BBX: variants seen among roughly 807,000 people sequenced by gnomAD.
The protein encoded by BBX is BBX high mobility group box domain containing, also known as HMG box transcription factor BBX.
BBX carries 30 observed loss-of-function variants against 100.2 expected under a neutral mutation model. The observed-to-expected ratio is 0.30, with a 90% CI of 0.22 to 0.41. BBX has a LOEUF of 0.41. Among genes scored for constraint, BBX ranks in the 10% least tolerant of loss-of-function variants. BBX has a pLI of 1.00. For missense variants in BBX, 1,023 were observed against 1,129.8 expected (o/e 0.91, Z 1.35); for synonymous variants, 376 against 388.1 (o/e 0.97, Z 0.37).
chr3:107,527,740 C>T lies in BBX; in HGVS notation c.-84+1342C>T, dbSNP rs571072952. 8.5e-5 allele frequency among the ~76,000 whole-genome samples: 13 copies of T among 152,202 alleles called. No homozygotes were observed. In the East Asian group the frequency reaches 1.9e-3, roughly 23 times the overall value. On this transcript the variant is annotated intron_variant, in intron 2 of 17. Transcript: ENST00000325805. ...TACATCACATACATAGCAGGCCAAT[C>T]GGAGTGTCAAAATGAGAAGGTTCTA...
intron 4 of BBX, among the ~76,000 whole-genome samples, chr3:107,714,557 G>GT (rs1306847933): frequency 6.6e-6 from 1 of 151,658 alleles, no homozygotes; most frequent in Non-Finnish European, 1.5e-5. Flanking sequence ...ACACTTTTTA[G>GT]TTTTTTTTAG....
chr3:107,756,174 G>A (rs1169865412), intron 10 of BBX, among the ~76,000 whole-genome samples: 2 of 152,044 alleles, frequency 1.3e-5, no homozygotes, highest in Admixed American at 1.3e-4. Flanking sequence ...TCTTCCATTG[G>A]CAAAGTAGAA....
chr3:107,712,834 A>G (rs1440912553), intron 4 of BBX, among the ~76,000 whole-genome samples: 2 of 152,188 alleles, frequency 1.3e-5, no homozygotes, highest in African/African-American at 4.8e-5. Flanking sequence ...CACAGCACCT[A>G]GAAGAGTGGC....
chr3:107,612,992 C>G (rs1165859215), intron 2 of BBX, among the ~76,000 whole-genome samples: 1 of 152,088 alleles, frequency 6.6e-6, no homozygotes, highest in Non-Finnish European at 1.5e-5. Context: ...CCTCCCCTTT[C>G]CCCAGGCAGA....
At chr3:107,647,451 G>A (rs1174146047) in intron 3 of BBX, among the ~76,000 whole-genome samples, 1 of 152,174 alleles carries the variant, frequency 6.6e-6, no homozygotes, top group Non-Finnish European at 1.5e-5. Context: ...GCAATAGAGT[G>A]TTTTATTGAC....
intron 2 of BBX, among the ~76,000 whole-genome samples, chr3:107,637,988 C>T (rs1436654948): frequency 1.3e-5 from 2 of 152,038 alleles, no homozygotes; most frequent in Non-Finnish European, 2.9e-5. Flanking sequence ...ATCATGGCTC[C>T]CGGCAGCCTT....
intron 2 of BBX, among the ~76,000 whole-genome samples, chr3:107,620,676 C>A (rs1461126124): frequency 6.6e-6 from 1 of 152,158 alleles, no homozygotes; most frequent in African/African-American, 2.4e-5. Context: ...CTACCTTTCA[C>A]CAGTAGGCTT....
At chr3:107,771,778 T>C (rs2066927795) in intron 10 of BBX, among the ~76,000 whole-genome samples, 1 of 152,190 alleles carries the variant, frequency 6.6e-6, no homozygotes, top group Non-Finnish European at 1.5e-5. Context: ...TGTTCATTAA[T>C]CAAAACCTTC....
chr3:107,754,612 G>C (rs1444671405), intron 9 of BBX, among the ~76,000 whole-genome samples: 7 of 152,132 alleles, frequency 4.6e-5, no homozygotes, highest in Admixed American at 1.3e-4. Context: ...AGTCCCTCCT[G>C]GAGCTAACAA....
At chr3:107,679,007 G>A (rs1576303685) in intron 3 of BBX, among the ~76,000 whole-genome samples, 2 of 152,166 alleles carry the variant, frequency 1.3e-5, no homozygotes, top group South Asian at 4.1e-4. Flanking sequence ...ATAGATGCGG[G>A]TTTACAAATT....
intron 2 of BBX, among the ~76,000 whole-genome samples, chr3:107,616,466 G>T (rs1474127531): frequency 6.6e-6 from 1 of 152,078 alleles, no homozygotes; most frequent in Non-Finnish European, 1.5e-5. Flanking sequence ...CTTCCAAATG[G>T]TTTTCCAGAA....
At chr3:107,776,627 A>G (rs962193939) in intron 12 of BBX, among the ~76,000 whole-genome samples, 2 of 152,150 alleles carry the variant, frequency 1.3e-5, no homozygotes, top group African/African-American at 4.8e-5. Flanking sequence ...ATCTCAGAAA[A>G]TGTGCTACCT....
intron 16 of BBX, 31 bp downstream of exon 16, chr3:107,798,751 T>C: frequency 6.2e-7 from 1 of 1,601,132 alleles, no homozygotes; most frequent in Non-Finnish European, 8.5e-7. Flanking sequence ...ACCAGAGGTG[T>C]CCAATCTTTT....
intron 5 of BBX, among the ~76,000 whole-genome samples, chr3:107,718,407 A>G (rs1303260538): frequency 6.6e-6 from 1 of 151,154 alleles, no homozygotes; most frequent in Non-Finnish European, 1.5e-5. Context: ...AATCAATTAC[A>G]GTAACCTACA....
chr3:107,778,588 G>A, intron 13 of BBX, 69 bp downstream of exon 13: 1 of 1,525,908 alleles, frequency 6.6e-7, no homozygotes, highest in Non-Finnish European at 8.9e-7. Context: ...CAAGCTTTTA[G>A]CTCCCTTTAG....
chr3:107,747,478 A>G (rs1464627979), intron 8 of BBX, among the ~76,000 whole-genome samples: 1 of 152,088 alleles, frequency 6.6e-6, no homozygotes, highest in Non-Finnish European at 1.5e-5. Flanking sequence ...GTTGTGGGTA[A>G]GTAGCAGAGC....
intron 2 of BBX, among the ~76,000 whole-genome samples, chr3:107,637,418 G>T (rs536021739): frequency 6.6e-6 from 1 of 152,306 alleles, no homozygotes; most frequent in South Asian, 2.1e-4. Context: ...TTGTAATCTG[G>T]TCTGGAGCTT....
At chr3:107,671,844 A>C (rs2107924206) in intron 3 of BBX, among the ~76,000 whole-genome samples, 1 of 152,202 alleles carries the variant, frequency 6.6e-6, no homozygotes, top group African/African-American at 2.4e-5. Context: ...AAGAATAATG[A>C]CCACACGAAT....
At chr3:107,603,596 T>C (rs1462567619) in intron 2 of BBX, among the ~76,000 whole-genome samples, 1 of 151,928 alleles carries the variant, frequency 6.6e-6, no homozygotes, top group Non-Finnish European at 1.5e-5. Context: ...ACCAGGATGG[T>C]CTCGATCTCC....
Sources: allele counts gnomAD v4.1 joint callset (sites outside exome capture counted in the v4.1 genomes callset), GRCh38; gene constraint gnomAD v4.1.1; transcripts MANE v1.5; gene names NCBI Gene and HGNC (gene_info 2026-07-23, HGNC 2026-07-21).